Variants in MAP2K6 observed in about 807,000 individuals in gnomAD.
MAP2K6 encodes dual specificity mitogen-activated protein kinase kinase 6.
MAP2K6 carries 16 observed loss-of-function variants against 53.7 expected under a neutral mutation model. That is an observed-to-expected ratio of 0.30 (90% CI 0.20 to 0.45). The LOEUF (loss-of-function observed/expected upper bound fraction) is 0.45. MAP2K6 is among the 20% of genes least tolerant of loss of function. MAP2K6 has a pLI of 1.00. For missense variants in MAP2K6, 204 were observed against 411.9 expected (o/e 0.50, Z 4.37); for synonymous variants, 132 against 143.1 (o/e 0.92, Z 0.55).
At chr17:69,502,930 TA>T (rs1327530005) in intron 1 of MAP2K6, among the ~76,000 whole-genome samples, 2 of 152,228 alleles carry the variant, frequency 1.3e-5, no homozygotes, top group Non-Finnish European at 2.9e-5. Context: ...TTACTTGCTA[TA>T]TTAAAGTTTT....
chr17:69,516,705 C>T, intron 2 of MAP2K6, 150 bp from the exon 3 acceptor site: 2 of 533,606 alleles, frequency 3.7e-6, no homozygotes, highest in Admixed American at 3.3e-5. Flanking sequence ...TTTCAAATCC[C>T]CTCTTATTCA....
At chr17:69,527,592 G>C (rs1461019438) in intron 10 of MAP2K6, among the ~76,000 whole-genome samples, 1 of 152,218 alleles carries the variant, frequency 6.6e-6, no homozygotes, top group Non-Finnish European at 1.5e-5. Context: ...GATGCCAGAA[G>C]TGAAGCACAC....
At chr17:69,516,721 A>G (rs1910163064) in intron 2 of MAP2K6, 134 bp from the exon 3 acceptor site, 1 of 645,956 alleles carries the variant, frequency 1.5e-6, no homozygotes, top group Non-Finnish European at 2.8e-6. Flanking sequence ...ATTCACACTC[A>G]TAGGCTGCTT....
chr17:69,511,500 A>G (rs944257909), intron 2 of MAP2K6, among the ~76,000 whole-genome samples: 1 of 152,216 alleles, frequency 6.6e-6, no homozygotes, highest in African/African-American at 2.4e-5. Flanking sequence ...TCTTTGAGCT[A>G]CCGATGCCAG....
At chr17:69,469,248 A>G (rs1907909690) in intron 1 of MAP2K6, among the ~76,000 whole-genome samples, 1 of 152,182 alleles carries the variant, frequency 6.6e-6, no homozygotes, top group African/African-American at 2.4e-5. Context: ...CATCTCTCTA[A>G]CCAACCCCTC....
At chr17:69,519,464 G>C in intron 5 of MAP2K6, 32 bp downstream of exon 5, 1 of 1,611,258 alleles carries the variant, frequency 6.2e-7, no homozygotes, top group Non-Finnish European at 8.5e-7. Flanking sequence ...AGTCCAAGAG[G>C]AACAATAACT....
chr17:69,428,864 GTT>G (rs761660743), intron 1 of MAP2K6, among the ~76,000 whole-genome samples: 1 of 46,232 alleles, frequency 2.2e-5, no homozygotes. Context: ...TTTTGTTTTT[GTT>G]TTTTTTTTTT....
chr17:69,502,618 C>T (rs546447594), intron 1 of MAP2K6: 1,292 of 985,092 alleles, frequency 1.3e-3, no homozygotes, highest in Middle Eastern at 4.2e-3. Context: ...AACTTATATA[C>T]ATAGTCAAGG....
intron 1 of MAP2K6, among the ~76,000 whole-genome samples, chr17:69,484,779 A>G (rs1427731784): frequency 2.0e-5 from 3 of 152,190 alleles, no homozygotes; most frequent in Non-Finnish European, 4.4e-5. Context: ...TACAACACAG[A>G]TGAACTTTGA....
intron 6 of MAP2K6, 128 bp downstream of exon 6, chr17:69,520,514 A>G (rs1322330891): frequency 1.5e-6 from 1 of 658,556 alleles, no homozygotes; most frequent in East Asian, 2.6e-5. Flanking sequence ...GTTGACATTT[A>G]TTGGTGGATG....
chr17:69,502,281 G>A lies in MAP2K6; in HGVS notation c.17-3499G>A, dbSNP rs147129437. On this transcript the variant is annotated intron_variant, in intron 1 of 11. Coordinates refer to ENST00000590474, the MANE Select transcript of MAP2K6 (RefSeq NM_002758.4). ...CTGTTCAGTTCTGTTTCTCCTTGCC[G>A]AAGTGTGGTCTTTGGAGCTAAGTGA... The A allele has an allele frequency of 2.3e-5, 23 of 985,402 alleles. No individual in the cohort carries two copies. The African/African-American group carries it at 3.5e-4, about 15-fold the overall frequency. The allele number at this position is 985,402 out of a possible 1,614,324, so 61.0% of individuals were successfully genotyped here.
intron 1 of MAP2K6, among the ~76,000 whole-genome samples, chr17:69,498,528 G>A (rs988314697): frequency 1.3e-5 from 2 of 152,098 alleles, no homozygotes; most frequent in Admixed American, 6.6e-5. Context: ...CACCCATAGG[G>A]ATAGGATTGC....
At chr17:69,504,287 T>C (rs1909337993) in intron 1 of MAP2K6, among the ~76,000 whole-genome samples, 1 of 151,976 alleles carries the variant, frequency 6.6e-6, no homozygotes, top group African/African-American at 2.4e-5. Flanking sequence ...TTTTTCTTTT[T>C]TTTTTTGAGA....
At chr17:69,457,691 G>T (rs978138168) in intron 1 of MAP2K6, among the ~76,000 whole-genome samples, 1 of 152,200 alleles carries the variant, frequency 6.6e-6, no homozygotes, top group African/African-American at 2.4e-5. Context: ...TGGAATCTCA[G>T]CTATTCAGGA....
chr17:69,453,511 G>C (rs747259811), intron 1 of MAP2K6, among the ~76,000 whole-genome samples: 1 of 152,114 alleles, frequency 6.6e-6, no homozygotes, highest in Non-Finnish European at 1.5e-5. Context: ...ATGATTAAGG[G>C]GGTCAAACAC....
intron 10 of MAP2K6, among the ~76,000 whole-genome samples, chr17:69,529,634 C>T (rs1910974540): frequency 6.6e-6 from 1 of 151,544 alleles, no homozygotes; most frequent in Admixed American, 6.6e-5. Context: ...CCTCAGCCTC[C>T]TGAGTAGCTG....
intron 1 of MAP2K6, among the ~76,000 whole-genome samples, chr17:69,490,241 C>T (rs1908690619): frequency 6.6e-6 from 1 of 152,208 alleles, no homozygotes; most frequent in Non-Finnish European, 1.5e-5. Context: ...AGCCTCTCCT[C>T]CTTCCTTGCT....
chr17:69,485,352 T>C (rs948601759), intron 1 of MAP2K6: 2 of 336,736 alleles, frequency 5.9e-6, no homozygotes, highest in African/African-American at 4.5e-5. Context: ...GAGGAGGCCT[T>C]TAGAAGAAAG....
At chr17:69,516,781 G>C in intron 2 of MAP2K6, 74 bp from the exon 3 acceptor site, 1 of 1,066,336 alleles carries the variant, frequency 9.4e-7, no homozygotes, top group Non-Finnish European at 1.4e-6. Context: ...AATATCCTCA[G>C]TGGTGTGTGA....
Sources: allele counts gnomAD v4.1 joint callset (sites outside exome capture counted in the v4.1 genomes callset), GRCh38; gene constraint gnomAD v4.1.1; transcripts MANE v1.5; gene names NCBI Gene and HGNC (gene_info 2026-07-23, HGNC 2026-07-21).